COG8: variants seen among roughly 807,000 people sequenced by gnomAD.
COG8 encodes conserved oligomeric Golgi complex subunit 8.
COG8 carries 45 observed loss-of-function variants against 46.5 expected under a neutral mutation model. That is an observed-to-expected ratio of 0.97 (90% CI 0.76 to 1.24). COG8 has a LOEUF of 1.24. COG8 is among the 50% of genes most tolerant of loss of function. The pLI is 0.00. For synonymous variants in COG8, 407 were observed against 347.8 expected, an observed-to-expected ratio of 1.17 and a Z score of -1.90; for missense variants, 793 against 820.8, an observed-to-expected ratio of 0.97 and a Z score of 0.41.
rs1037161688 is a variant in COG8 at position 69,339,074 on chromosome 16, G to T, written c.377+102C>A. ...ATGGATTAATAAAGCGCTCAGCAGA[G>T]AACCTGGAACGTGGTAAACGCTTTA... On this transcript the variant is annotated intron_variant, in intron 1 of 5. Coordinates refer to ENST00000306875, the MANE Select transcript of COG8 (RefSeq NM_032382.5). The T allele has an allele frequency of 3.9e-5, 59 of 1,524,658 alleles. 1 individual carries two copies. In the African/African-American group the frequency reaches 6.0e-4, roughly 16 times the overall value. The allele number at this position is 1,524,658 out of a possible 1,614,324, so 94.4% of individuals were successfully genotyped here.
chr16:69,335,853 C>A (rs2012179167), intron 2 of COG8, among the ~76,000 whole-genome samples: 1 of 151,944 alleles, frequency 6.6e-6, no homozygotes. Context: ...TTAAAATCCT[C>A]CAGTGACTTC....
chr16:69,337,280 CAAAA>C (rs1205833347), intron 1 of COG8, among the ~76,000 whole-genome samples: 2 of 66,052 alleles, frequency 3.0e-5, no homozygotes, highest in Non-Finnish European at 3.4e-5. Flanking sequence ...GACTCCGTCT[CAAAA>C]AAAAAAAAAA....
Position 69,334,836 on chromosome 16 carries a change from C to G in COG8, c.1098G>C (p.Gln366His), listed in dbSNP as rs573178649. ...CCACCCGCTGGAAAACAGGAGCCAACTGACCCCGGAAATCAGCTCCCACCC... is the reference window on the plus strand; with the variant it reads ...CCACCCGCTGGAAAACAGGAGCCAAGTGACCCCGGAAATCAGCTCCCACCC... Reference protein sequence around the residue: ...FSRVGADFRGQLAPVFQRVAI... With the variant: ...FSRVGADFRGHLAPVFQRVAI... The change falls in exon 3 of 6, where the codon CAG (glutamine) becomes CAC (histidine). Residue 366 changes from glutamine to histidine, a missense_variant. Physicochemically the swap from Gln to His is conservative, Grantham distance 24 (BLOSUM62 0). Transcript: ENST00000306875. 4 of 1,614,194 alleles carry G rather than the reference C, an allele frequency of 2.5e-6. No homozygotes were observed. The East Asian group carries it at 6.7e-5, about 27-fold the overall frequency.
intron 5 of COG8, 158 bp downstream of exon 5, chr16:69,330,655 C>CGA (rs1408074071): frequency 7.1e-6 from 10 of 1,404,478 alleles, no homozygotes; most frequent in Non-Finnish European, 9.2e-6. Context: ...CAGCACACAG[C>CGA]GAAGCCGCGA....
intron 2 of COG8, 75 bp downstream of exon 2, chr16:69,336,429 TA>T: frequency 1.4e-6 from 2 of 1,409,870 alleles, no homozygotes; most frequent in Non-Finnish European, 2.0e-6. Flanking sequence ...AGTTTCTACC[TA>T]AAGCTTCAGT....
Position 69,327,923 on chromosome 16 carries a change from T to G in COG8, c.*1283A>C, listed in dbSNP as rs1242851909. On this transcript the variant is annotated 3_prime_UTR_variant, in exon 6 of 6. Coordinates refer to ENST00000306875, the MANE Select transcript of COG8 (RefSeq NM_032382.5). Reference sequence around the variant, plus strand: ...AGACAAAGCTGACACTTTTTTTTTTTGAGACAGAGAAAAAAAGAAAACTCT... The same window carrying G: ...AGACAAAGCTGACACTTTTTTTTTTGGAGACAGAGAAAAAAAGAAAACTCT... 1 of 152,000 alleles carries G rather than the reference T, an allele frequency of 6.6e-6. No homozygotes were observed. Among genetic ancestry groups the G allele is most frequent in the East Asian group, 1.9e-4 (1 of 5,186 alleles). 9.4% of individuals were successfully genotyped at this position (152,000 alleles called of 1,614,324 possible).
chr16:69,329,414 TGA>T (rs1965711209), intron 5 of COG8, among the ~76,000 whole-genome samples: 1 of 152,366 alleles, frequency 6.6e-6, no homozygotes, highest in African/African-American at 2.4e-5. Context: ...ACTGTAGAGC[TGA>T]GATGAGAAAT....
In COG8 at chr16:69,334,901, G is replaced by A. The variant is rs758647014; in HGVS notation, c.1033C>T (p.Leu345=). 3 of 1,614,050 alleles carry A rather than the reference G, an allele frequency of 1.9e-6. No individual in the cohort carries two copies. Among genetic ancestry groups the A allele is most frequent in the Admixed American group, 1.7e-5 (1 of 60,008 alleles). The change falls in exon 3 of 6, where the codon CTG becomes TTG. Residue 345 remains leucine (L), a synonymous_variant. Coordinates refer to ENST00000306875, the MANE Select transcript of COG8 (RefSeq NM_032382.5). The stretch of plus-strand genomic sequence containing the variant: ...CCAAAGTACATGCACTGGCCCAGCA[G>A]AGAGTCCAGGTGGCCGCCTATGCCC... ...YRGIGGHLDS[L]LGQCMYFGLS... is the part of the protein sequence containing the mutation.
At chr16:69,338,794 C>T (rs1215217026) in intron 1 of COG8, among the ~76,000 whole-genome samples, 1 of 152,184 alleles carries the variant, frequency 6.6e-6, no homozygotes, top group East Asian at 1.9e-4. Context: ...TCGAGACCAT[C>T]CCAGCCAACA....
intron 5 of COG8, chr16:69,329,997 C>T: frequency 6.5e-7 from 1 of 1,534,248 alleles, no homozygotes; most frequent in South Asian, 1.2e-5. Flanking sequence ...CCGCCCGCAC[C>T]TGAGATCTGC....
intron 5 of COG8, chr16:69,330,003 T>G (rs1179075503): frequency 3.1e-5 from 47 of 1,537,688 alleles, no homozygotes; most frequent in Non-Finnish European, 4.0e-5. Flanking sequence ...GCACCTGAGA[T>G]CTGCACCGCC....
chr16:69,334,926 C>T lies in COG8; in HGVS notation c.1008G>A (p.Arg336=). Residue 336 remains arginine, a synonymous_variant, in exon 3 of 6, where the codon CGG becomes CGA. Coordinates refer to ENST00000306875, the MANE Select transcript of COG8 (RefSeq NM_032382.5). The part of the protein sequence containing the change: ...FLQVLETDLY[R]GIGGHLDSLL... ...GAGAGTCCAGGTGGCCGCCTATGCCCCGGTAAAGGTCGGTCTCCAGCACCT... is the reference window on the plus strand; with the variant it reads ...GAGAGTCCAGGTGGCCGCCTATGCCTCGGTAAAGGTCGGTCTCCAGCACCT... The T allele has an allele frequency of 6.2e-7, 1 of 1,614,124 alleles. No homozygotes were observed. The highest frequency in any genetic ancestry group is 8.5e-7 in the Non-Finnish European group (1 of 1,180,040).
Position 69,330,262 on chromosome 16 carries a change from C to T in COG8, c.*26+551G>A, listed in dbSNP as rs2011688083. The T allele has an allele frequency of 1.1e-5, 16 of 1,439,506 alleles. No homozygotes were observed. Among genetic ancestry groups the T allele is most frequent in the Non-Finnish European group, 1.4e-5 (15 of 1,106,126 alleles). The allele number at this position is 1,439,506 out of a possible 1,614,324, so 89.2% of individuals were successfully genotyped here. A position where few individuals can be genotyped will look rare whatever the true frequency, so the allele number is the denominator to read the frequency against. On this transcript the variant is annotated intron_variant, in intron 5 of 5. Coordinates refer to ENST00000306875, the MANE Select transcript of COG8 (RefSeq NM_032382.5). ...TTAGGCCCACGCAGCGCCGCCGCCG[C>T]ATCACCTGGACCAGCCGTTGCGTCA...
At chr16:69,333,679 G>A (rs945814035) in intron 3 of COG8, among the ~76,000 whole-genome samples, 1 of 152,174 alleles carries the variant, frequency 6.6e-6, no homozygotes, top group Non-Finnish European at 1.5e-5. Flanking sequence ...TAGCGACAGG[G>A]TAAGAACACA....
rs778148877 is a variant in COG8, at chr16:69,326,707, C to T, written c.*2499G>A. ...ACAACCTGCCATCATCGATGTTAAA[C>T]ATGCTGACATGTGCAGAGGAGTTTC... On this transcript the variant is annotated 3_prime_UTR_variant, in exon 6 of 6. Transcript: ENST00000306875. 6.6e-6 allele frequency: 1 copy of T among 152,252 alleles called. No individual in the cohort carries two copies. The highest frequency in any genetic ancestry group is 1.5e-5 in the Non-Finnish European group (1 of 68,052). 9.4% of individuals were successfully genotyped at this position (152,252 alleles called of 1,614,324 possible). A position where few individuals can be genotyped will look rare whatever the true frequency, so the allele number is the denominator to read the frequency against.
At position 69,339,433 on chromosome 16, in the gene COG8, C is replaced by G; in HGVS notation, c.120G>C (p.Trp40Cys). ...AGCGGCCCACATCGGGCCGCTCGCG[C>G]CACTGGGCCTCGGGGAAGCGGTCCC... ...LFRDRFPEAQ[W>C]RERPDVGRYL... The change falls in exon 1 of 6, where the codon TGG becomes TGC. Residue 40 changes from tryptophan to cysteine, a missense_variant. Trp to Cys is a radical substitution (Grantham distance 215, BLOSUM62 -2). Transcript: ENST00000306875. 1 of 1,588,846 alleles carries G rather than the reference C, an allele frequency of 6.3e-7. No homozygotes were observed. The highest frequency in any genetic ancestry group is 1.1e-5 in the South Asian group (1 of 89,382).
intron 2 of COG8, among the ~76,000 whole-genome samples, 193 bp from the exon 3 acceptor site, chr16:69,335,541 C>A (rs2012159799): frequency 6.6e-6 from 1 of 152,098 alleles, no homozygotes; most frequent in East Asian, 1.9e-4. Flanking sequence ...AAGCTTAAAA[C>A]CTGGCCAGGT....
chr16:69,330,112 G>C, intron 5 of COG8: 2 of 1,584,958 alleles, frequency 1.3e-6, no homozygotes, highest in Non-Finnish European at 1.7e-6. Flanking sequence ...TGGGGTTCAC[G>C]AACACGCGCA....
Position 69,330,948 on chromosome 16 carries a change from G to GGAGCTGT in COG8, c.1723_1729dup (p.Pro577HisfsTer96). 3 of 1,568,622 alleles carry GGAGCTGT rather than the reference G, an allele frequency of 1.9e-6. No individual in the cohort carries two copies. The highest frequency in any genetic ancestry group is 2.6e-6 in the Non-Finnish European group (3 of 1,157,450). On this transcript the variant is annotated frameshift_variant, in exon 5 of 6. Coordinates refer to ENST00000306875, the MANE Select transcript of COG8 (RefSeq NM_032382.5). LOFTEE classifies it high-confidence loss of function. ...CTCCTCGGCGGGAGGCTCTGGTGCTGGAGCTGTGAGCTCGGGCCCCAGCGC... is the reference window on the plus strand; with the variant it reads ...CTCCTCGGCGGGAGGCTCTGGTGCTGGAGCTGTGAGCTGTGAGCTCGGGCCCCAGCGC...
Sources: allele counts gnomAD v4.1 joint callset (sites outside exome capture counted in the v4.1 genomes callset), GRCh38; gene constraint gnomAD v4.1.1; transcripts MANE v1.5; gene names NCBI Gene and HGNC (gene_info 2026-07-23, HGNC 2026-07-21).